Variants in PDE4B observed in about 807,000 individuals in gnomAD.
The protein encoded by PDE4B is phosphodiesterase 4B, also known as 3',5'-cyclic-AMP phosphodiesterase 4B.
A neutral mutation model predicts 82.2 loss-of-function variants in PDE4B; 20 were observed. The ratio of observed to expected loss-of-function variants is 0.24; its 90% confidence interval spans 0.17 to 0.35. PDE4B has a LOEUF of 0.35. Ranked by LOEUF, PDE4B falls within the 10% of genes least tolerant of loss-of-function variation. The probability of loss-of-function intolerance (pLI) is 1.00; values close to 1 mark genes in which losing one functional copy is unlikely to be tolerated. For missense variants in PDE4B, 655 were observed against 907.2 expected, an observed-to-expected ratio of 0.72 and a Z score of 3.57; for synonymous variants, 320 against 318.9, an observed-to-expected ratio of 1.00 and a Z score of -0.04.
rs534864675 is a variant in PDE4B at position 66,113,856 on chromosome 1, G to A, written c.282-133604G>A. 4.6e-5 allele frequency among the ~76,000 whole-genome samples: 7 copies of A among 152,202 alleles called. No individual in the cohort carries two copies. In the East Asian group the frequency reaches 1.4e-3, roughly 29 times the overall value. ...TTGTTTTGAGAGTCAATAGATAATA[G>A]CAAACATTTATTAAGTGCTTACCTT... On this transcript the variant is annotated intron_variant, in intron 3 of 16. Transcript: ENST00000341517.
intron 1 of PDE4B, among the ~76,000 whole-genome samples, chr1:65,887,301 TTCCC>T (rs1274884679): frequency 9.1e-5 from 11 of 121,430 alleles, no homozygotes; most frequent in East Asian, 4.6e-4. Flanking sequence ...CTCTCTCTCT[TTCCC>T]TCCCTCCCTC....
At chr1:66,249,523 T>G (rs1345356915) in intron 4 of PDE4B, among the ~76,000 whole-genome samples, 1 of 152,114 alleles carries the variant, frequency 6.6e-6, no homozygotes, top group Non-Finnish European at 1.5e-5. Context: ...AATGTTAAAT[T>G]TGAAGAGACC....
At chr1:65,852,125 T>A (rs1380486177) in intron 1 of PDE4B, among the ~76,000 whole-genome samples, 1 of 151,992 alleles carries the variant, frequency 6.6e-6, no homozygotes, top group Non-Finnish European at 1.5e-5. Flanking sequence ...TTCCAAGAAC[T>A]TTTGAAGATT....
intron 3 of PDE4B, among the ~76,000 whole-genome samples, chr1:66,018,576 T>C (rs1045780604): frequency 6.6e-6 from 1 of 152,230 alleles, no homozygotes; most frequent in Non-Finnish European, 1.5e-5. Context: ...ATGAGGTTAA[T>C]ATTTTAATAT....
intron 3 of PDE4B, among the ~76,000 whole-genome samples, chr1:66,025,449 G>A (rs1191266006): frequency 6.6e-6 from 1 of 152,004 alleles, no homozygotes; most frequent in African/African-American, 2.4e-5. Context: ...GTATAAATCT[G>A]GGATCTCATT....
intron 8 of PDE4B, among the ~76,000 whole-genome samples, chr1:66,352,894 A>G (rs1161353947): frequency 6.6e-6 from 1 of 152,224 alleles, no homozygotes; most frequent in Non-Finnish European, 1.5e-5. Flanking sequence ...AATTGTTTGA[A>G]TGTTATATTT....
intron 1 of PDE4B, among the ~76,000 whole-genome samples, chr1:65,816,671 G>A (rs952410841): frequency 6.6e-6 from 1 of 151,978 alleles, no homozygotes; most frequent in Non-Finnish European, 1.5e-5. Flanking sequence ...ATCTAATATG[G>A]GGATATTATG....
intron 3 of PDE4B, among the ~76,000 whole-genome samples, chr1:65,940,981 A>C (rs575283420): frequency 6.6e-6 from 1 of 150,642 alleles, no homozygotes; most frequent in African/African-American, 2.4e-5. Flanking sequence ...ATATAGATTT[A>C]ACAAATGTTG....
chr1:66,087,082 T>C (rs927920183), intron 3 of PDE4B, among the ~76,000 whole-genome samples: 1 of 152,128 alleles, frequency 6.6e-6, no homozygotes, highest in Non-Finnish European at 1.5e-5. Flanking sequence ...TTCTTTATAT[T>C]CACGTATTGC....
At chr1:65,915,472 A>C (rs1647148929) in intron 2 of PDE4B, among the ~76,000 whole-genome samples, 1 of 152,212 alleles carries the variant, frequency 6.6e-6, no homozygotes, top group Admixed American at 6.5e-5. Context: ...AGACCTTAAA[A>C]ATACCTTATT....
At chr1:66,148,082 C>A (rs1231906592) in intron 3 of PDE4B, among the ~76,000 whole-genome samples, 2 of 152,016 alleles carry the variant, frequency 1.3e-5, no homozygotes, top group Admixed American at 1.3e-4. Flanking sequence ...CCAGCCTGGC[C>A]AACATGGCAA....
rs532796070 is a variant in PDE4B, at chr1:65,886,828, G to A, written c.-70-26417G>A. Among the ~76,000 whole-genome samples the A allele has an allele frequency of 2.6e-5, 4 of 152,228 alleles. No individual in the cohort carries two copies. In the East Asian group the frequency reaches 5.8e-4, roughly 22 times the overall value. ...TCTTTGCTATTGTGAACAATGCAGC[G>A]ATAAACATGTAAGTGCAGCATCCCT... is the stretch of plus-strand genomic sequence containing the variant. On this transcript the variant is annotated intron_variant, in intron 1 of 16. Transcript: ENST00000341517.
At chr1:66,290,908 G>A (rs981204414) in intron 7 of PDE4B, among the ~76,000 whole-genome samples, 1 of 152,098 alleles carries the variant, frequency 6.6e-6, no homozygotes, top group Non-Finnish European at 1.5e-5. Context: ...AGAAATTGAT[G>A]GCTGACTTTA....
intron 1 of PDE4B, among the ~76,000 whole-genome samples, chr1:65,857,818 T>C (rs1002337450): frequency 3.9e-5 from 6 of 152,224 alleles, no homozygotes; most frequent in Non-Finnish European, 5.9e-5. Flanking sequence ...TAGTTACTTG[T>C]GCCTTCTAGA....
intron 3 of PDE4B, among the ~76,000 whole-genome samples, chr1:66,137,029 G>A (rs1357238643): frequency 6.6e-6 from 1 of 152,100 alleles, no homozygotes; most frequent in Non-Finnish European, 1.5e-5. Flanking sequence ...TTAGAGAAAG[G>A]GAAATGGCAA....
chr1:66,204,161 A>T (rs1649318125), intron 3 of PDE4B, among the ~76,000 whole-genome samples: 1 of 152,202 alleles, frequency 6.6e-6, no homozygotes, highest in Non-Finnish European at 1.5e-5. Context: ...GCAGAACAGC[A>T]GATTTTCGTG....
chr1:66,081,854 G>GTT (rs1298479797), intron 3 of PDE4B, among the ~76,000 whole-genome samples: 4 of 151,818 alleles, frequency 2.6e-5, no homozygotes, highest in Non-Finnish European at 5.9e-5. Flanking sequence ...GTGTGTGTGT[G>GTT]TGTGTGTGTG....
At chr1:65,811,104 T>G (rs1645814381) in intron 1 of PDE4B, among the ~76,000 whole-genome samples, 1 of 152,184 alleles carries the variant, frequency 6.6e-6, no homozygotes, top group Non-Finnish European at 1.5e-5. Context: ...TTATCAAATA[T>G]CTTTTGTCAG....
chr1:66,187,749 G>T (rs985144912), intron 3 of PDE4B, among the ~76,000 whole-genome samples: 3 of 151,402 alleles, frequency 2.0e-5, no homozygotes, highest in Non-Finnish European at 2.9e-5. Context: ...TCTTGCTAGC[G>T]GTCTATCAAT....
Sources: gnomAD v4.1 joint callset for allele counts (sites outside exome capture counted in the v4.1 genomes callset) on GRCh38, gnomAD v4.1.1 for gene constraint, MANE v1.5 for transcripts, NCBI Gene and HGNC (gene_info 2026-07-23, HGNC 2026-07-21) for gene names.